The following IQCM variants were observed in gnomAD, a reference collection of about 807,000 sequenced individuals.
IQCM encodes the protein IQ motif containing M.
IQCM carries 45 observed loss-of-function variants against 57.6 expected under a neutral mutation model. The observed-to-expected ratio is 0.78, with a 90% confidence interval of 0.62 to 1.00. The LOEUF is 1.00. Ranked by LOEUF, IQCM falls within the 50% of genes least tolerant of loss-of-function variation. The pLI is 0.00. For missense variants in IQCM, 468 were observed against 511.6 expected (o/e 0.91, Z 0.82); for synonymous variants, 148 against 158.9 (o/e 0.93, Z 0.51).
chr4:149,450,216 G>C (rs1180681399), intron 12 of IQCM, among the ~76,000 whole-genome samples: 1 of 151,770 alleles, frequency 6.6e-6, no homozygotes, highest in Non-Finnish European at 1.5e-5. Flanking sequence ...AATCTAAATG[G>C]ATTAAATACT....
chr4:149,450,866 G>A (rs1164195997), intron 12 of IQCM, among the ~76,000 whole-genome samples: 1 of 151,562 alleles, frequency 6.6e-6, no homozygotes, highest in East Asian at 1.9e-4. Flanking sequence ...CTGGGTATAT[G>A]CCCCCCACCA....
In IQCM at chr4:149,430,559, T is replaced by C. The variant is rs552834343; in HGVS notation, c.1390+2837A>G. Among the ~76,000 whole-genome samples the C allele has an allele frequency of 3.3e-5, 5 of 152,116 alleles. No homozygotes were observed. In the East Asian group the frequency reaches 9.7e-4, roughly 30 times the overall value. On this transcript the variant is annotated intron_variant, in intron 13 of 13. Coordinates refer to ENST00000636793, the MANE Select transcript of IQCM (RefSeq NM_001363507.2). ...GATTTGTTTCTGTCACTACTCAGTT[T>C]GCATTTTCTAGTATTTTACATAAAT...
At chr4:149,401,335 GA>G (rs1371163223) in intron 13 of IQCM, among the ~76,000 whole-genome samples, 1 of 151,756 alleles carries the variant, frequency 6.6e-6, no homozygotes, top group Non-Finnish European at 1.5e-5. Flanking sequence ...ATATTATTTA[GA>G]ATGGTCTTTA....
At chr4:149,539,977 C>T (rs979969536) in intron 12 of IQCM, among the ~76,000 whole-genome samples, 10 of 152,144 alleles carry the variant, frequency 6.6e-5, no homozygotes, top group African/African-American at 2.4e-4. Flanking sequence ...ATTGTGTCTC[C>T]TCCCAAAATT....
At chr4:149,573,076 T>A (rs1278660203) in intron 9 of IQCM, among the ~76,000 whole-genome samples, 2 of 151,826 alleles carry the variant, frequency 1.3e-5, no homozygotes, top group African/African-American at 4.8e-5. Flanking sequence ...AAGTAAATTG[T>A]GTTAGAGCCA....
chr4:149,427,817 G>T (rs1201580790), intron 13 of IQCM, among the ~76,000 whole-genome samples: 1 of 151,900 alleles, frequency 6.6e-6, no homozygotes, highest in Non-Finnish European at 1.5e-5. Flanking sequence ...AAGGACTTTA[G>T]AGAACATGAC....
chr4:149,458,751 T>G (rs1737963694), intron 12 of IQCM, among the ~76,000 whole-genome samples: 2 of 152,252 alleles, frequency 1.3e-5, no homozygotes, highest in Admixed American at 1.3e-4. Context: ...AGCAAAATCT[T>G]TTCTCCATGT....
Position 149,548,508 on chromosome 4 carries a change from C to A in IQCM, c.1175G>T (p.Gly392Val). ...AACTTGTTTCTGAGTTGGGAAATGA[C>A]CACAGTCACTGAAGAAATTGGGGAG... is the stretch of plus-strand genomic sequence containing the variant. ...NELPNFFSDC[G>V]HFPTQKQVDD... Residue 392 changes from glycine to valine, a missense_variant, in exon 12 of 14, where the codon GGT becomes GTT. Gly to Val is a moderately radical substitution (Grantham distance 109). Coordinates refer to ENST00000636793, the MANE Select transcript of IQCM (RefSeq NM_001363507.2). 8.1e-7 allele frequency: 1 copy of A among 1,231,762 alleles called. No homozygotes were observed. Among genetic ancestry groups the A allele is most frequent in the Non-Finnish European group, 1.0e-6 (1 of 987,688 alleles). 76.3% of individuals were successfully genotyped at this position (1,231,762 alleles called of 1,614,324 possible).
chr4:149,427,506 T>A (rs1051553424), intron 13 of IQCM, among the ~76,000 whole-genome samples: 1 of 151,968 alleles, frequency 6.6e-6, no homozygotes, highest in South Asian at 2.1e-4. Context: ...ACAGCTCTGA[T>A]TTTATCATTG....
intron 13 of IQCM, among the ~76,000 whole-genome samples, chr4:149,398,683 T>C (rs1732403001): frequency 6.6e-6 from 1 of 151,998 alleles, no homozygotes; most frequent in Non-Finnish European, 1.5e-5. Context: ...CAGATTAATG[T>C]TCCAGTGTGT....
intron 13 of IQCM, among the ~76,000 whole-genome samples, chr4:149,368,350 T>C (rs1729985889): frequency 6.6e-6 from 1 of 152,048 alleles, no homozygotes; most frequent in Non-Finnish European, 1.5e-5. Context: ...GAATTATTAA[T>C]ATGGTATCAT....
intron 2 of IQCM, among the ~76,000 whole-genome samples, chr4:149,778,875 G>A (rs563964105): frequency 6.6e-6 from 1 of 152,134 alleles, no homozygotes; most frequent in South Asian, 2.1e-4. Flanking sequence ...AAAAGAAATT[G>A]CCAGACCTAG....
At chr4:149,639,164 C>T (rs572088390) in intron 7 of IQCM, among the ~76,000 whole-genome samples, 4 of 152,260 alleles carry the variant, frequency 2.6e-5, no homozygotes, top group South Asian at 4.1e-4. Flanking sequence ...CAGGGGCTCA[C>T]GCCTATAATA....
rs999386282 is a variant in IQCM, at chr4:149,615,154, T to G, written c.681+5975A>C. Among the ~76,000 whole-genome samples the G allele has an allele frequency of 2.6e-5, 4 of 152,130 alleles. No individual in the cohort carries two copies. In the East Asian group the frequency reaches 7.7e-4, roughly 29 times the overall value. On this transcript the variant is annotated intron_variant, in intron 8 of 13. Coordinates refer to ENST00000636793, the MANE Select transcript of IQCM (RefSeq NM_001363507.2). ...ATGTTGTTTTTTTTTCAGCTATGAC[T>G]ACAATCCCCTACATTATATGTTCCA...
intron 2 of IQCM, among the ~76,000 whole-genome samples, chr4:149,761,371 C>T (rs1049443858): frequency 2.6e-5 from 4 of 152,046 alleles, no homozygotes; most frequent in African/African-American, 9.7e-5. Context: ...CAAAGGTGAA[C>T]TCATTTCCTA....
intron 12 of IQCM, among the ~76,000 whole-genome samples, chr4:149,477,175 A>T (rs1740291132): frequency 6.6e-6 from 1 of 152,224 alleles, no homozygotes; most frequent in Admixed American, 6.5e-5. Context: ...TAAAGTTAAA[A>T]CTAAAGGTCC....
chr4:149,673,900 G>A (rs1360752922), intron 7 of IQCM, among the ~76,000 whole-genome samples: 1 of 152,084 alleles, frequency 6.6e-6, no homozygotes, highest in Non-Finnish European at 1.5e-5. Flanking sequence ...GAGAGTTCTA[G>A]GCCACCAGAA....
intron 8 of IQCM, among the ~76,000 whole-genome samples, chr4:149,609,113 A>G (rs1161493647): frequency 6.6e-6 from 1 of 151,790 alleles, no homozygotes; most frequent in Non-Finnish European, 1.5e-5. Flanking sequence ...ATAATTAGCA[A>G]CTATATGCTA....
intron 7 of IQCM, among the ~76,000 whole-genome samples, chr4:149,636,196 A>G (rs187644997): frequency 7.3e-4 from 111 of 152,344 alleles, no homozygotes; most frequent in African/African-American, 2.5e-3. Flanking sequence ...ACTCCTCCAC[A>G]GAGATGGAAC....
Sources: gnomAD v4.1 joint callset for allele counts (sites outside exome capture counted in the v4.1 genomes callset) on GRCh38, gnomAD v4.1.1 for gene constraint, MANE v1.5 for transcripts, NCBI Gene and HGNC (gene_info 2026-07-23, HGNC 2026-07-21) for gene names.